LARGE1: variants seen among roughly 807,000 people sequenced by gnomAD.
LARGE1 encodes the protein xylosyl- and glucuronyltransferase LARGE1.
LARGE1 carries 43 observed loss-of-function variants against 87.6 expected under a neutral mutation model. That is an observed-to-expected ratio of 0.49 (90% CI 0.38 to 0.63). The LOEUF is 0.63. Among genes scored for constraint, LARGE1 ranks in the 30% least tolerant of loss-of-function variants. The pLI is 0.00. For missense variants in LARGE1, 802 were observed against 1,000.2 expected, an observed-to-expected ratio of 0.80 and a Z score of 2.67; for synonymous variants, 434 against 394.6, an observed-to-expected ratio of 1.10 and a Z score of -1.18.
intron 12 of LARGE1, 31 bp from the exon 13 acceptor site, chr22:33,283,379 G>C: frequency 6.2e-7 from 1 of 1,613,988 alleles, no homozygotes; most frequent in Non-Finnish European, 8.5e-7. Context: ...GAGAGACAGA[G>C]TCCCTGTGAC....
chr22:33,629,560 G>A (rs1240081773), intron 3 of LARGE1, among the ~76,000 whole-genome samples: 2 of 152,186 alleles, frequency 1.3e-5, no homozygotes, highest in African/African-American at 4.8e-5. Flanking sequence ...TCTTAGAGGA[G>A]TTTTGGGTGT....
chr22:33,205,106 A>T (rs920194895), intron 11 of LARGE1, among the ~76,000 whole-genome samples: 4 of 152,152 alleles, frequency 2.6e-5, no homozygotes, highest in Non-Finnish European at 5.9e-5. Context: ...ACCTTGTCCC[A>T]TTATTTCCAC....
intron 1 of LARGE1, among the ~76,000 whole-genome samples, chr22:33,844,922 G>C (rs1187751611): frequency 6.6e-6 from 1 of 152,018 alleles, no homozygotes; most frequent in African/African-American, 2.4e-5. Flanking sequence ...GTTTCTCCAT[G>C]TTGGTTAGGC....
chr22:33,346,269 CTCT>C (rs1358410259), intron 9 of LARGE1, among the ~76,000 whole-genome samples: 2 of 146,900 alleles, frequency 1.4e-5, no homozygotes, highest in African/African-American at 5.0e-5. Flanking sequence ...CTCTCTCTCT[CTCT>C]TTCTTTCCTC....
chr22:33,248,256 C>T lies in LARGE1; in HGVS notation c.1730+55973G>A, dbSNP rs544802711. Among the ~76,000 whole-genome samples the T allele has an allele frequency of 8.5e-5, 13 of 152,162 alleles. No individual in the cohort carries two copies. The East Asian group carries it at 1.9e-3, about 23-fold the overall frequency. ...AGGCTGAAGTGCAGTGGTGTGTTCT[C>T]GGCTCACTGCAACCTCTGCCTCCCA... On this transcript the variant is annotated intron_variant, in intron 11 of 11. Coordinates refer to the LARGE1 transcript ENST00000608642.
chr22:33,518,698 G>C (rs2071424095), intron 6 of LARGE1, among the ~76,000 whole-genome samples: 1 of 152,102 alleles, frequency 6.6e-6, no homozygotes, highest in Non-Finnish European at 1.5e-5. Context: ...CAATATTCTT[G>C]TTCTCCAATG....
chr22:33,648,646 G>A (rs1339919199), intron 3 of LARGE1, among the ~76,000 whole-genome samples: 1 of 152,186 alleles, frequency 6.6e-6, no homozygotes, highest in African/African-American at 2.4e-5. Flanking sequence ...TTGTTAACGT[G>A]GCTGAATGCC....
chr22:33,321,116 C>T (rs1015754621), intron 10 of LARGE1: 6 of 152,184 alleles, frequency 3.9e-5, no homozygotes, highest in South Asian at 2.1e-4. Flanking sequence ...AACTCACTAC[C>T]CCAGAAGGTT....
chr22:33,450,107 T>C (rs1410677981), intron 6 of LARGE1, among the ~76,000 whole-genome samples: 1 of 151,976 alleles, frequency 6.6e-6, no homozygotes, highest in Non-Finnish European at 1.5e-5. Context: ...AGACGGAGTT[T>C]TGCCATGTTG....
intron 1 of LARGE1, among the ~76,000 whole-genome samples, chr22:33,796,725 A>AG (rs1272678625): frequency 7.0e-5 from 10 of 142,208 alleles, no homozygotes; most frequent in African/African-American, 2.6e-4. Context: ...GTGGAGGAGG[A>AG]GGGGAGATTT....
At chr22:33,734,936 G>A (rs2083602280) in intron 2 of LARGE1, among the ~76,000 whole-genome samples, 1 of 152,100 alleles carries the variant, frequency 6.6e-6, no homozygotes, top group Non-Finnish European at 1.5e-5. Flanking sequence ...AACCATAGAA[G>A]TCCTCCAAAA....
At chr22:33,796,651 C>T (rs962601728) in intron 1 of LARGE1, among the ~76,000 whole-genome samples, 21 of 151,800 alleles carry the variant, frequency 1.4e-4, no homozygotes, top group African/African-American at 5.1e-4. Flanking sequence ...AAAGAAACTG[C>T]AGAAAGAAAA....
intron 1 of LARGE1, among the ~76,000 whole-genome samples, chr22:33,914,283 T>C (rs922611684): frequency 2.0e-5 from 3 of 152,196 alleles, no homozygotes; most frequent in Non-Finnish European, 4.4e-5. Context: ...TTCTACTCTG[T>C]TTTTCTTCAA....
intron 2 of LARGE1, among the ~76,000 whole-genome samples, chr22:33,746,780 G>A (rs2084102857): frequency 6.6e-6 from 1 of 152,184 alleles, no homozygotes; most frequent in South Asian, 2.1e-4. Flanking sequence ...CAAACAGTAG[G>A]CACTCCATCA....
downstream of LARGE1, among the ~76,000 whole-genome samples, chr22:33,271,823 G>C (rs892326592): frequency 1.3e-5 from 2 of 152,232 alleles, no homozygotes; most frequent in African/African-American, 4.8e-5. Context: ...ATCCGCCAAT[G>C]TCTGAGCTCC....
the LARGE1 span, among the ~76,000 whole-genome samples, chr22:33,116,544 T>C: frequency 6.3e-3 from 953 of 150,362 alleles, 8 homozygotes; most frequent in African/African-American, 0.022. Context: ...TTTTTTTTTT[T>C]AGTAGAGACG....
intron 13 of LARGE1, among the ~76,000 whole-genome samples, chr22:33,278,678 G>T (rs1252616832): frequency 6.6e-6 from 1 of 152,000 alleles, no homozygotes; most frequent in Admixed American, 6.6e-5. Flanking sequence ...GGGAAGCCTT[G>T]CTCAAAGGCC....
chr22:33,533,068 T>C (rs906279125), intron 6 of LARGE1, among the ~76,000 whole-genome samples: 1 of 152,198 alleles, frequency 6.6e-6, no homozygotes, highest in Non-Finnish European at 1.5e-5. Flanking sequence ...GCATGTCTAC[T>C]GCAGGGCCCA....
intron 5 of LARGE1, among the ~76,000 whole-genome samples, chr22:33,604,168 G>A (rs1487054085): frequency 1.3e-5 from 2 of 152,206 alleles, no homozygotes; most frequent in Admixed American, 1.3e-4. Context: ...ACCACTTTCA[G>A]ATTATACACC....
Sources: allele counts gnomAD v4.1 joint callset (sites outside exome capture counted in the v4.1 genomes callset), GRCh38; gene constraint gnomAD v4.1.1; transcripts MANE v1.5; gene names NCBI Gene and HGNC (gene_info 2026-07-23, HGNC 2026-07-21).